CSGALNACT1: variants seen among roughly 807,000 people sequenced by gnomAD.
CSGALNACT1 encodes beta4GalNAcT-1.
Under a neutral mutation model 51.0 loss-of-function variants are expected in CSGALNACT1, and 52 were observed. The ratio of observed to expected loss-of-function variants is 1.02; its 90% CI spans 0.82 to 1.29. The LOEUF (loss-of-function observed/expected upper bound fraction) is 1.29, where lower values mean the gene tolerates loss of function less well. Among genes scored for constraint, CSGALNACT1 ranks in the 50% most tolerant of loss-of-function variants. The probability of loss-of-function intolerance (pLI) is 0.00; values close to 1 mark genes in which losing one functional copy is unlikely to be tolerated. For synonymous variants in CSGALNACT1, 341 were observed against 254.4 expected (o/e 1.34, Z -3.24); for missense variants, 935 against 679.2 (o/e 1.38, Z -4.19).
chr8:19,419,615 T>C (rs1465802215), intron 7 of CSGALNACT1, among the ~76,000 whole-genome samples: 1 of 152,244 alleles, frequency 6.6e-6, no homozygotes, highest in Non-Finnish European at 1.5e-5. Flanking sequence ...TCTTCTACCC[T>C]AGGTAACTGC....
In CSGALNACT1 at chr8:19,610,052, T is replaced by A. The variant is rs1399604758; in HGVS notation, c.-543-8187A>T. The stretch of plus-strand genomic sequence containing the variant: ...GCCTGGCTAAGATGGTGAAACCCCG[T>A]CTCTACTAAAAATACAAAAGTTAGC... On this transcript the variant is annotated intron_variant, in intron 1 of 9. Transcript: ENST00000332246. Among the ~76,000 whole-genome samples, 7 of 151,620 alleles carry A rather than the reference T, an allele frequency of 4.6e-5. No individual in the cohort carries two copies. The East Asian group carries it at 1.4e-3, about 30-fold the overall frequency.
intron 1 of CSGALNACT1, among the ~76,000 whole-genome samples, chr8:19,629,495 A>G (rs540557575): frequency 6.6e-6 from 1 of 152,354 alleles, no homozygotes; most frequent in African/African-American, 2.4e-5. Flanking sequence ...ACTCCTGCCT[A>G]AAGGCACTCA....
chr8:19,421,937 A>G (rs7008503), intron 6 of CSGALNACT1, among the ~76,000 whole-genome samples: 2,421 of 152,206 alleles, frequency 0.016, 56 homozygotes, highest in African/African-American at 0.056. Context: ...TGGATCCAGG[A>G]CTAGAACTGT....
At chr8:19,457,726 A>C (rs779995765) in intron 5 of CSGALNACT1, 2 of 1,344,638 alleles carry the variant, frequency 1.5e-6, no homozygotes, top group South Asian at 2.3e-5. Context: ...TCCTCAGCCA[A>C]TATGTGCATC....
intron 3 of CSGALNACT1, among the ~76,000 whole-genome samples, chr8:19,544,390 T>C (rs17128626): frequency 0.16 from 24,635 of 152,226 alleles, 2,094 homozygotes; most frequent in African/African-American, 0.18. Context: ...ACTTTTATTA[T>C]TGAAATACTG....
At chr8:19,427,248 C>A (rs1585731857) in intron 6 of CSGALNACT1, among the ~76,000 whole-genome samples, 1 of 152,200 alleles carries the variant, frequency 6.6e-6, no homozygotes, top group Admixed American at 6.5e-5. Context: ...AAATGAACAT[C>A]TCTGAATCTC....
chr8:19,522,623 G>A (rs1259952038), intron 3 of CSGALNACT1, among the ~76,000 whole-genome samples: 5 of 152,162 alleles, frequency 3.3e-5, no homozygotes, highest in Admixed American at 6.5e-5. Context: ...AGCAGCAGAA[G>A]CATTTTTCTG....
chr8:19,698,227 G>C (rs1214178934), intron 1 of CSGALNACT1, among the ~76,000 whole-genome samples: 1 of 152,154 alleles, frequency 6.6e-6, no homozygotes, highest in Non-Finnish European at 1.5e-5. Flanking sequence ...AAGTCAGAAA[G>C]CTGGATTTCA....
chr8:19,423,066 C>G (rs912470774), intron 6 of CSGALNACT1, among the ~76,000 whole-genome samples: 3 of 152,182 alleles, frequency 2.0e-5, no homozygotes, highest in Admixed American at 6.5e-5. Flanking sequence ...TTGCACCTGA[C>G]TCATAATTCA....
intron 1 of CSGALNACT1, among the ~76,000 whole-genome samples, chr8:19,624,543 G>C (rs560540045): frequency 1.3e-5 from 2 of 152,216 alleles, no homozygotes; most frequent in South Asian, 2.1e-4. Context: ...CCAAATCTCA[G>C]TGGTTTAAAA....
chr8:19,754,754 C>T (rs2065250692), intron 1 of CSGALNACT1, among the ~76,000 whole-genome samples: 1 of 152,146 alleles, frequency 6.6e-6, no homozygotes. Flanking sequence ...TTCTTTGCTA[C>T]CTTAAAGGAC....
At chr8:19,589,806 C>T (rs941563868) in intron 3 of CSGALNACT1, among the ~76,000 whole-genome samples, 1 of 152,098 alleles carries the variant, frequency 6.6e-6, no homozygotes, top group Admixed American at 6.5e-5. Flanking sequence ...CCTTCTAATG[C>T]CTGAAGTGGA....
chr8:19,744,173 C>A (rs989173332), intron 1 of CSGALNACT1, among the ~76,000 whole-genome samples: 1 of 152,136 alleles, frequency 6.6e-6, no homozygotes, highest in Non-Finnish European at 1.5e-5. Context: ...AAAAGAAAGA[C>A]AGATGGCTAC....
chr8:19,590,124 T>G (rs1286712740), intron 3 of CSGALNACT1, among the ~76,000 whole-genome samples: 4 of 152,216 alleles, frequency 2.6e-5, no homozygotes, highest in Non-Finnish European at 5.9e-5. Context: ...CGTTGTCATC[T>G]CTCTCTTTAG....
Position 19,565,141 on chromosome 8 carries a change from T to C in CSGALNACT1, c.-297+26019A>G, listed in dbSNP as rs75299661. Among the ~76,000 whole-genome samples, 1,435 of 152,328 alleles carry C rather than the reference T, an allele frequency of 9.4e-3. 18 individuals are homozygous for C. Among genetic ancestry groups the C allele is most frequent in the African/African-American group, 0.032 (1,339 of 41,570 alleles). On this transcript the variant is annotated intron_variant, in intron 3 of 9. Coordinates refer to ENST00000454498, the Ensembl canonical transcript of CSGALNACT1. Reference sequence around the variant, plus strand: ...TCCTACTGTATATAGAGAGAACAGATTATGTATCACTTTACAGACTTTCGA... The same window carrying C: ...TCCTACTGTATATAGAGAGAACAGACTATGTATCACTTTACAGACTTTCGA...
intron 3 of CSGALNACT1, among the ~76,000 whole-genome samples, chr8:19,563,949 G>T (rs148050836): frequency 3.3e-5 from 5 of 151,804 alleles, no homozygotes; most frequent in African/African-American, 1.2e-4. Context: ...ACCACGCTGC[G>T]GCTGTTTCTG....
chr8:19,557,706 ACT>A (rs778393091), intron 3 of CSGALNACT1, among the ~76,000 whole-genome samples: 5 of 151,970 alleles, frequency 3.3e-5, no homozygotes, highest in Non-Finnish European at 7.4e-5. Flanking sequence ...CCCCCTGTCA[ACT>A]CTGTTTCCTT....
At position 19,492,172 on chromosome 8, in the gene CSGALNACT1, T is replaced by C. The variant is rs148527008; in HGVS notation, c.634+13029A>G. ...GATTTAAGTAACAAAATGCTAACTA[T>C]ATGCGAGAAGGCTCTTCTTTTCAGA... On this transcript the variant is annotated intron_variant, in intron 4 of 9. Coordinates refer to ENST00000454498, the Ensembl canonical transcript of CSGALNACT1. 6.9e-3 allele frequency among the ~76,000 whole-genome samples: 1,046 copies of C among 152,340 alleles called. 14 individuals carry two copies. The highest frequency in any genetic ancestry group is 0.024 in the African/African-American group (977 of 41,574).
intron 3 of CSGALNACT1, among the ~76,000 whole-genome samples, chr8:19,514,533 T>C (rs568996408): frequency 4.0e-3 from 492 of 123,112 alleles, no homozygotes; most frequent in Non-Finnish European, 6.3e-3. Context: ...TTAAAAATTA[T>C]ATACAGGCCA....
Sources: allele counts gnomAD v4.1 joint callset (sites outside exome capture counted in the v4.1 genomes callset), GRCh38; gene constraint gnomAD v4.1.1; transcripts MANE v1.5; gene names NCBI Gene and HGNC (gene_info 2026-07-23, HGNC 2026-07-21).